Variants in SH3RF3 observed in about 807,000 individuals in gnomAD.
SH3RF3 encodes the protein E3 ubiquitin-protein ligase SH3RF3.
Under a neutral mutation model 66.3 loss-of-function variants are expected in SH3RF3, and 29 were observed. That is an observed-to-expected ratio of 0.44 (90% confidence interval 0.33 to 0.60). The LOEUF is 0.60. SH3RF3 is among the 20% of genes least tolerant of loss of function. The pLI, the probability that SH3RF3 is intolerant of heterozygous loss-of-function variation, is 0.04. For synonymous variants in SH3RF3, 583 were observed against 532.0 expected (o/e 1.10, Z -1.32); for missense variants, 1,194 against 1,190.9 (o/e 1.00, Z -0.04).
chr2:109,197,154 C>T (rs1466667817), intron 1 of SH3RF3, among the ~76,000 whole-genome samples: 1 of 152,294 alleles, frequency 6.6e-6, no homozygotes, highest in Non-Finnish European at 1.5e-5. Context: ...CTCCTGAGCT[C>T]CTGCTGCAGC....
At chr2:109,363,624 TAA>T (rs1327936677) in intron 2 of SH3RF3, among the ~76,000 whole-genome samples, 2 of 152,214 alleles carry the variant, frequency 1.3e-5, no homozygotes, top group African/African-American at 4.8e-5. Flanking sequence ...AAGAACTCTT[TAA>T]AAACAGTTCT....
intron 2 of SH3RF3, among the ~76,000 whole-genome samples, chr2:109,364,383 G>A (rs1316840209): frequency 6.6e-6 from 1 of 152,164 alleles, no homozygotes; most frequent in African/African-American, 2.4e-5. Context: ...ATGCTGTCTA[G>A]TTCAAACATT....
intron 1 of SH3RF3, among the ~76,000 whole-genome samples, chr2:109,266,107 TTG>T (rs1680484629): frequency 1.3e-5 from 2 of 150,768 alleles, no homozygotes; most frequent in South Asian, 2.1e-4. Flanking sequence ...CATGTGTGTG[TTG>T]TGTGTATGTG....
At chr2:109,245,553 G>T (rs1206931702) in intron 1 of SH3RF3, among the ~76,000 whole-genome samples, 1 of 152,204 alleles carries the variant, frequency 6.6e-6, no homozygotes, top group Admixed American at 6.5e-5. Flanking sequence ...TGGACAAACT[G>T]CACCTCTAGC....
intron 4 of SH3RF3, among the ~76,000 whole-genome samples, chr2:109,400,553 G>A (rs878935247): frequency 1.4e-4 from 20 of 146,928 alleles, no homozygotes; most frequent in African/African-American, 4.6e-4. Context: ...ACACACGTAC[G>A]TATACACATA....
Position 109,416,211 on chromosome 2 carries a change from G to A in SH3RF3, c.1300-3328G>A, listed in dbSNP as rs765238513. Among the ~76,000 whole-genome samples the A allele has an allele frequency of 1.1e-4, 16 of 152,172 alleles. No homozygotes were observed. In the East Asian group the frequency reaches 2.7e-3, roughly 26 times the overall value. On this transcript the variant is annotated intron_variant, in intron 4 of 9. Transcript: ENST00000309415. ...CTAACAAGACTGCCTCATGCCTTTC[G>A]AAGCCCTCCCAGCCACGCCCAGCCC...
At chr2:109,175,118 C>T (rs1677885911) in intron 1 of SH3RF3, among the ~76,000 whole-genome samples, 1 of 152,106 alleles carries the variant, frequency 6.6e-6, no homozygotes, top group South Asian at 2.1e-4. Context: ...ACTAGTAGTC[C>T]TGGTCATTAT....
intron 8 of SH3RF3, among the ~76,000 whole-genome samples, chr2:109,488,189 T>C (rs1467412064): frequency 6.6e-6 from 1 of 152,098 alleles, no homozygotes; most frequent in African/African-American, 2.4e-5. Flanking sequence ...GACCTAGGGA[T>C]CCCAGCCTTA....
chr2:109,336,066 C>T (rs1167045409), intron 1 of SH3RF3, among the ~76,000 whole-genome samples: 1 of 152,166 alleles, frequency 6.6e-6, no homozygotes, highest in Non-Finnish European at 1.5e-5. Flanking sequence ...CATTCCTCTC[C>T]CTACATTTTG....
intron 8 of SH3RF3, among the ~76,000 whole-genome samples, chr2:109,482,829 A>G (rs1020531793): frequency 2.0e-4 from 31 of 152,204 alleles, no homozygotes; most frequent in Non-Finnish European, 5.9e-5. Flanking sequence ...CACCAAAAAC[A>G]AGCTAGAGAA....
chr2:109,267,585 G>A (rs1302824466), intron 1 of SH3RF3, among the ~76,000 whole-genome samples: 2 of 152,186 alleles, frequency 1.3e-5, no homozygotes, highest in Admixed American at 1.3e-4. Context: ...GGGCCCCCGA[G>A]TGCCGGCTGT....
intron 1 of SH3RF3, among the ~76,000 whole-genome samples, chr2:109,259,755 G>GT (rs1680306936): frequency 6.6e-6 from 1 of 152,210 alleles, no homozygotes; most frequent in African/African-American, 2.4e-5. Context: ...GAGGCTTCAC[G>GT]TAGGTGCATG....
At chr2:109,330,386 A>G (rs1345452834) in intron 1 of SH3RF3, among the ~76,000 whole-genome samples, 2 of 152,206 alleles carry the variant, frequency 1.3e-5, no homozygotes, top group East Asian at 3.9e-4. Context: ...GGCATATCTC[A>G]GAATTATCCA....
chr2:109,184,611 G>C (rs1678145802), intron 1 of SH3RF3, among the ~76,000 whole-genome samples: 1 of 152,156 alleles, frequency 6.6e-6, no homozygotes, highest in African/African-American at 2.4e-5. Context: ...GGGTGCTCCT[G>C]TGCCTCCATG....
chr2:109,480,253 C>T (rs539068861), intron 8 of SH3RF3, among the ~76,000 whole-genome samples: 7 of 152,318 alleles, frequency 4.6e-5, no homozygotes, highest in Admixed American at 2.6e-4. Flanking sequence ...GCAGGCAAGG[C>T]GGCATCTCCC....
At chr2:109,404,751 G>A (rs1428814531) in intron 4 of SH3RF3, among the ~76,000 whole-genome samples, 2 of 152,068 alleles carry the variant, frequency 1.3e-5, no homozygotes, top group Non-Finnish European at 1.5e-5. Flanking sequence ...TCTTTCCCAT[G>A]GATGTGCTCG....
intron 1 of SH3RF3, among the ~76,000 whole-genome samples, chr2:109,149,920 C>G (rs1400033359): frequency 6.6e-6 from 1 of 152,162 alleles, no homozygotes; most frequent in Non-Finnish European, 1.5e-5. Context: ...TTTTTAATTG[C>G]AGCTGTGTTC....
chr2:109,483,631 G>A (rs1326300695), intron 8 of SH3RF3, among the ~76,000 whole-genome samples: 2 of 152,198 alleles, frequency 1.3e-5, no homozygotes, highest in East Asian at 3.9e-4. Flanking sequence ...TAGAGGGTGG[G>A]AATTGGCATA....
At chr2:109,223,389 C>T (rs952368650) in intron 1 of SH3RF3, among the ~76,000 whole-genome samples, 2 of 152,216 alleles carry the variant, frequency 1.3e-5, no homozygotes, top group Non-Finnish European at 1.5e-5. Flanking sequence ...CCACTAGGAG[C>T]TGCCGTGTGC....
Sources: allele counts gnomAD v4.1 joint callset (sites outside exome capture counted in the v4.1 genomes callset), GRCh38; gene constraint gnomAD v4.1.1; transcripts MANE v1.5; gene names NCBI Gene and HGNC (gene_info 2026-07-23, HGNC 2026-07-21).